Variants in ZNF567 observed in about 807,000 individuals in gnomAD.
ZNF567 encodes zinc finger protein 567.
ZNF567 carries 36 observed loss-of-function variants against 53.9 expected under a neutral mutation model. That is an observed-to-expected ratio of 0.67 (90% confidence interval 0.51 to 0.88). The LOEUF is 0.88. Among genes scored for constraint, ZNF567 ranks in the 40% least tolerant of loss-of-function variants. The pLI, the probability that ZNF567 is intolerant of heterozygous loss-of-function variation, is 0.00. For missense variants in ZNF567, 619 were observed against 764.7 expected (o/e 0.81, Z 2.25); for synonymous variants, 224 against 260.4 (o/e 0.86, Z 1.35).
rs1196535980 is a variant in ZNF567, at chr19:36,719,465, C to G, written c.741C>G (p.Thr247=). ...PSVYNKKRRA[T]NIEKKHTCNE... is the part of the protein sequence containing the mutation. ...TATATAATAAAAAAAGAAGAGCAAC[C>G]AATATTGAAAAAAAACATACATGCA... Residue 247 remains threonine (T), a synonymous_variant, in exon 6 of 6, where the codon ACC becomes ACG. Coordinates refer to ENST00000682579, the MANE Select transcript of ZNF567 (RefSeq NM_001322917.1). The G allele has an allele frequency of 6.2e-7, 1 of 1,609,694 alleles. No individual in the cohort carries two copies. The highest frequency in any genetic ancestry group is 8.5e-7 in the Non-Finnish European group (1 of 1,178,920).
intron 3 of ZNF567, among the ~76,000 whole-genome samples, chr19:36,696,919 G>A (rs924519760): frequency 1.3e-4 from 20 of 152,026 alleles, no homozygotes; most frequent in African/African-American, 4.6e-4. Flanking sequence ...ATCTATTTCC[G>A]GAACTGTTTT....
chr19:36,713,425 C>A (rs2039886143), intron 5 of ZNF567, among the ~76,000 whole-genome samples: 1 of 150,852 alleles, frequency 6.6e-6, no homozygotes, highest in Non-Finnish European at 1.5e-5. Context: ...CCACTCCAAC[C>A]TGGGAGACAG....
At chr19:36,674,322 CAG>C in the ZNF567 span, among the ~76,000 whole-genome samples, 3 of 152,142 alleles carry the variant, frequency 2.0e-5, no homozygotes, top group African/African-American at 7.2e-5. Context: ...TATAATTCAA[CAG>C]GGGAAATAAA....
the ZNF567 span, among the ~76,000 whole-genome samples, chr19:36,675,773 C>T: frequency 6.6e-6 from 1 of 152,114 alleles, no homozygotes; most frequent in Non-Finnish European, 1.5e-5. Context: ...CAGTTGAGCC[C>T]AGCAGGTCAA....
chr19:36,708,796 C>T (rs534587476), intron 3 of ZNF567, among the ~76,000 whole-genome samples: 41 of 151,920 alleles, frequency 2.7e-4, no homozygotes, highest in African/African-American at 4.8e-4. Context: ...CCTCCTAACC[C>T]GTTCTTGCTT....
chr19:36,683,885 A>G (rs1167173390), upstream of ZNF567, among the ~76,000 whole-genome samples: 2 of 152,198 alleles, frequency 1.3e-5, no homozygotes, highest in Admixed American at 6.5e-5. Context: ...GATACCATAT[A>G]GTAGCGAATA....
intron 5 of ZNF567, among the ~76,000 whole-genome samples, chr19:36,718,480 C>T (rs1410113050): frequency 6.6e-6 from 1 of 151,794 alleles, no homozygotes; most frequent in East Asian, 1.9e-4. Flanking sequence ...GCCTGGGTGA[C>T]AAAGCGAGAC....
the ZNF567 span, among the ~76,000 whole-genome samples, chr19:36,681,746 T>C: frequency 1.3e-5 from 2 of 151,990 alleles, no homozygotes; most frequent in African/African-American, 2.4e-5. Flanking sequence ...TTCTTTTTTT[T>C]TTTTTTAATT....
At chr19:36,704,308 T>G (rs1444476693) in intron 3 of ZNF567, among the ~76,000 whole-genome samples, 2 of 151,938 alleles carry the variant, frequency 1.3e-5, no homozygotes, top group African/African-American at 4.8e-5. Context: ...GTAATCCTAG[T>G]TGCTCAGGAG....
downstream of ZNF567, among the ~76,000 whole-genome samples, chr19:36,723,692 G>C (rs2040322056): frequency 6.6e-6 from 1 of 151,982 alleles, no homozygotes; most frequent in Non-Finnish European, 1.5e-5. Flanking sequence ...AAATTAGCCA[G>C]GTGTGGTGGC....
At position 36,719,565 on chromosome 19, in the gene ZNF567, TATCAATGTC is replaced by T; in HGVS notation, c.850_858del (p.His284_Cys286del). 6.2e-7 allele frequency: 1 copy of T among 1,614,172 alleles called. No homozygotes were observed. Among genetic ancestry groups the T allele is most frequent in the Non-Finnish European group, 8.5e-7 (1 of 1,180,038 alleles). On this transcript the variant is annotated inframe_deletion, in exon 6 of 6. Coordinates refer to ENST00000682579, the MANE Select transcript of ZNF567 (RefSeq NM_001322917.1). ...GGGAATTCACTCAGAAGAAAAACCC[TATCAATGTC>T]ATCAATGTGGAAATGCATTTAGAAG...
intron 3 of ZNF567, among the ~76,000 whole-genome samples, chr19:36,711,072 T>TTGTGTGTG: frequency 6.6e-6 from 1 of 150,412 alleles, no homozygotes; most frequent in East Asian, 2.0e-4. Flanking sequence ...CTCTCACTTT[T>TTGTGTGTG]TGTGTGTGTG....
At chr19:36,702,115 C>T (rs1434825991) in intron 3 of ZNF567, among the ~76,000 whole-genome samples, 1 of 151,850 alleles carries the variant, frequency 6.6e-6, no homozygotes, top group Non-Finnish European at 1.5e-5. Context: ...TTAGGGCAGG[C>T]CTGGTGGTGA....
intron 2 of ZNF567, among the ~76,000 whole-genome samples, chr19:36,692,880 C>T (rs572144240): frequency 3.3e-5 from 5 of 152,230 alleles, no homozygotes; most frequent in South Asian, 2.1e-4. Context: ...GATTCCCTGT[C>T]GTTGGGCATG....
At chr19:36,716,419 A>G (rs185922917) in intron 5 of ZNF567, among the ~76,000 whole-genome samples, 18 of 152,326 alleles carry the variant, frequency 1.2e-4, no homozygotes, top group Non-Finnish European at 2.4e-4. Context: ...ACTACTGACT[A>G]TAACACAAAC....
Position 36,719,048 on chromosome 19 carries a change from G to A in ZNF567, c.324G>A (p.Lys108=), listed in dbSNP as rs2040195091. ...VVSINHKKLV[K]EKSKIYEKTF... is the part of the protein sequence containing the mutation. ...GCATCAACCACAAAAAACTGGTGAA[G>A]GAGAAGAGTAAAATATATGAAAAGA... is the stretch of plus-strand genomic sequence containing the variant. The change falls in exon 6 of 6, where the codon AAG becomes AAA. Residue 108 remains lysine, a synonymous_variant. Transcript: ENST00000682579. 1.2e-6 allele frequency: 2 copies of A among 1,612,080 alleles called. No individual in the cohort carries two copies. The highest frequency in any genetic ancestry group is 2.7e-5 in the African/African-American group (2 of 74,772).
the ZNF567 span, among the ~76,000 whole-genome samples, chr19:36,678,982 T>A: frequency 6.6e-6 from 1 of 151,566 alleles, no homozygotes; most frequent in African/African-American, 2.4e-5. Context: ...ATCAGATAAA[T>A]GCAAATTAAA....
At chr19:36,679,566 T>C in the ZNF567 span, among the ~76,000 whole-genome samples, 2 of 152,202 alleles carry the variant, frequency 1.3e-5, no homozygotes, top group Non-Finnish European at 2.9e-5. Flanking sequence ...ATAACTAAGA[T>C]ATGGAAACAA....
chr19:36,667,651 T>C, the ZNF567 span, among the ~76,000 whole-genome samples: 1 of 150,836 alleles, frequency 6.6e-6, no homozygotes, highest in South Asian at 2.1e-4. Context: ...CAACTTTTTT[T>C]TTTTCTTTTT....
Sources: gnomAD v4.1 joint callset for allele counts (sites outside exome capture counted in the v4.1 genomes callset) on GRCh38, gnomAD v4.1.1 for gene constraint, MANE v1.5 for transcripts, NCBI Gene and HGNC (gene_info 2026-07-23, HGNC 2026-07-21) for gene names.